The following BICC1 variants were observed in gnomAD, a reference collection of about 807,000 sequenced individuals.
BICC1 encodes the protein BicC family RNA binding protein 1, also known as protein bicaudal C homolog 1.
In BICC1, 43 loss-of-function variants were observed where a neutral mutation model predicts 111.0. That is an observed-to-expected ratio of 0.39 (90% CI 0.30 to 0.50). The LOEUF (loss-of-function observed/expected upper bound fraction) is 0.50. Among genes scored for constraint, BICC1 ranks in the 20% least tolerant of loss-of-function variants. The pLI, the probability that BICC1 is intolerant of heterozygous loss-of-function variation, is 0.88. For missense variants in BICC1, 1,091 were observed against 1,203.2 expected (o/e 0.91, Z 1.38); for synonymous variants, 467 against 434.4 (o/e 1.07, Z -0.93).
chr10:58,736,299 G>C (rs1359053748), intron 3 of BICC1, among the ~76,000 whole-genome samples: 1 of 152,150 alleles, frequency 6.6e-6, no homozygotes, highest in African/African-American at 2.4e-5. Flanking sequence ...GATAATAAGG[G>C]ACACCCAACA....
At chr10:58,742,131 G>GA (rs1376136864) in intron 3 of BICC1, among the ~76,000 whole-genome samples, 1 of 147,566 alleles carries the variant, frequency 6.8e-6, no homozygotes, top group Non-Finnish European at 1.5e-5. Context: ...GTTGATGTCT[G>GA]AAACTGCCAA....
intron 1 of BICC1, among the ~76,000 whole-genome samples, chr10:58,581,769 G>T (rs959823242): frequency 3.9e-5 from 6 of 152,112 alleles, no homozygotes; most frequent in African/African-American, 9.7e-5. Context: ...AATTTGGGAA[G>T]ATTGAGAAAA....
chr10:58,820,232 G>T, intron 19 of BICC1, 137 bp from the exon 20 acceptor site: 3 of 548,376 alleles, frequency 5.5e-6, no homozygotes, highest in South Asian at 2.4e-5. Context: ...TGTTTCTTAG[G>T]TTTGTGCTAC....
At chr10:58,567,424 G>A (rs532041076) in intron 1 of BICC1, among the ~76,000 whole-genome samples, 2 of 151,914 alleles carry the variant, frequency 1.3e-5, no homozygotes, top group South Asian at 2.1e-4. Context: ...ATATGTGTGT[G>A]TCTTTTAGGG....
intron 9 of BICC1, among the ~76,000 whole-genome samples, chr10:58,795,650 A>G (rs1026079490): frequency 8.4e-5 from 12 of 142,788 alleles, no homozygotes; most frequent in Non-Finnish European, 3.1e-5. Flanking sequence ...CTCAGCCACA[A>G]TTTTTTTTTT....
intron 2 of BICC1, among the ~76,000 whole-genome samples, chr10:58,672,709 C>G (rs1329158961): frequency 6.6e-6 from 1 of 152,266 alleles, no homozygotes; most frequent in East Asian, 1.9e-4. Context: ...AATATAGTCT[C>G]ACACTCACCT....
At chr10:58,582,360 A>T (rs895446476) in intron 1 of BICC1, among the ~76,000 whole-genome samples, 1 of 152,218 alleles carries the variant, frequency 6.6e-6, no homozygotes, top group East Asian at 1.9e-4. Context: ...TTGTATTTTA[A>T]TGTAGTTTAA....
chr10:58,713,751 A>C (rs1319299548), intron 3 of BICC1, among the ~76,000 whole-genome samples: 2 of 152,248 alleles, frequency 1.3e-5, no homozygotes, highest in African/African-American at 4.8e-5. Flanking sequence ...AAAGAAAGGC[A>C]ATCTTGGGTA....
At chr10:58,594,089 C>T (rs190634554) in intron 1 of BICC1, among the ~76,000 whole-genome samples, 1 of 151,702 alleles carries the variant, frequency 6.6e-6, no homozygotes, top group African/African-American at 2.4e-5. Flanking sequence ...ACACAAGTAT[C>T]AGTAGCCGAA....
intron 1 of BICC1, among the ~76,000 whole-genome samples, chr10:58,573,012 A>G (rs1325708202): frequency 2.0e-5 from 3 of 151,946 alleles, no homozygotes; most frequent in Non-Finnish European, 4.4e-5. Flanking sequence ...GATAATTCAT[A>G]TTTGACTTTG....
chr10:58,830,291 A>G lies in BICC1; in HGVS notation c.*1400A>G, dbSNP rs1387936786. The G allele has an allele frequency of 6.6e-6, 1 of 152,196 alleles. No homozygotes were observed. 9.4% of individuals were successfully genotyped at this position (152,196 alleles called of 1,614,324 possible). ...TATGAAGTGTTTTTAATCCATGAAGAAACACTAAAGTGCCTTTCTTTCTTC... is the reference window on the plus strand; with the variant it reads ...TATGAAGTGTTTTTAATCCATGAAGGAACACTAAAGTGCCTTTCTTTCTTC... On this transcript the variant is annotated 3_prime_UTR_variant, in exon 21 of 21. Transcript: ENST00000373886.
intron 19 of BICC1, among the ~76,000 whole-genome samples, chr10:58,818,967 A>G (rs150760843): frequency 1.4e-3 from 215 of 152,262 alleles, no homozygotes; most frequent in African/African-American, 4.8e-3. Context: ...TCTTATTCCA[A>G]TTACTCCAAG....
At chr10:58,582,993 C>G (rs552173323) in intron 1 of BICC1, among the ~76,000 whole-genome samples, 1 of 152,108 alleles carries the variant, frequency 6.6e-6, no homozygotes, top group Non-Finnish European at 1.5e-5. Context: ...ATGGAGGGGC[C>G]GTTATTCTGC....
chr10:58,738,879 G>A (rs1841561975), intron 3 of BICC1, among the ~76,000 whole-genome samples: 1 of 151,600 alleles, frequency 6.6e-6, no homozygotes, highest in African/African-American at 2.4e-5. Context: ...TCATGATTTG[G>A]CTCTCTGTCT....
intron 8 of BICC1, among the ~76,000 whole-genome samples, chr10:58,791,284 A>G (rs1214142029): frequency 6.6e-6 from 1 of 152,186 alleles, no homozygotes; most frequent in Non-Finnish European, 1.5e-5. Flanking sequence ...TTTTTCAAAT[A>G]TTCTCTACAG....
intron 20 of BICC1, among the ~76,000 whole-genome samples, chr10:58,820,852 C>T (rs1233079461): frequency 3.3e-5 from 5 of 152,042 alleles, no homozygotes; most frequent in African/African-American, 1.2e-4. Context: ...ATGTTTGTGT[C>T]CTTGCACACC....
At chr10:58,679,641 A>G (rs1375445554) in intron 2 of BICC1, among the ~76,000 whole-genome samples, 1 of 152,248 alleles carries the variant, frequency 6.6e-6, no homozygotes, top group Middle Eastern at 3.2e-3. Flanking sequence ...TTCTGAAACT[A>G]TTCCAAACAA....
chr10:58,596,874 C>CTA (rs1564504420), intron 1 of BICC1, among the ~76,000 whole-genome samples: 1 of 152,120 alleles, frequency 6.6e-6, no homozygotes, highest in African/African-American at 2.4e-5. Flanking sequence ...TCAAGGAGAA[C>CTA]TATAAACCAC....
intron 1 of BICC1, among the ~76,000 whole-genome samples, chr10:58,546,049 A>G (rs945639386): frequency 6.6e-6 from 1 of 152,184 alleles, no homozygotes; most frequent in Non-Finnish European, 1.5e-5. Flanking sequence ...GAATTAAGCA[A>G]TGAATGCTGT....
Sources: allele counts gnomAD v4.1 joint callset (sites outside exome capture counted in the v4.1 genomes callset), GRCh38; gene constraint gnomAD v4.1.1; transcripts MANE v1.5; gene names NCBI Gene and HGNC (gene_info 2026-07-23, HGNC 2026-07-21).